Variants in COL4A4 observed in about 807,000 individuals in gnomAD.
COL4A4 encodes collagen alpha-4(IV) chain.
In COL4A4, 105 loss-of-function variants were observed where a neutral mutation model predicts 192.9. That is an observed-to-expected ratio of 0.54 (90% CI 0.46 to 0.64). The LOEUF is 0.64. Among genes scored for constraint, COL4A4 ranks in the 30% least tolerant of loss-of-function variants. The pLI is 0.00. For missense variants in COL4A4, 1,967 were observed against 2,169.3 expected, an observed-to-expected ratio of 0.91 and a Z score of 1.85; for synonymous variants, 762 against 769.9, an observed-to-expected ratio of 0.99 and a Z score of 0.17.
intron 20 of COL4A4, among the ~76,000 whole-genome samples, chr2:227,091,264 A>C (rs1474431237): frequency 1.3e-5 from 2 of 149,548 alleles, no homozygotes; most frequent in Admixed American, 6.6e-5. Flanking sequence ...AGATATAGAT[A>C]TAGATATAGA....
At position 227,004,188 on chromosome 2, in the gene COL4A4, CATT is replaced by C. The variant is rs1961582077; in HGVS notation, c.*3134_*3136del. 1 of 152,278 alleles carries C rather than the reference CATT, an allele frequency of 6.6e-6. No individual in the cohort carries two copies. Among genetic ancestry groups the C allele is most frequent in the Admixed American group, 6.5e-5 (1 of 15,286 alleles). 9.4% of individuals were successfully genotyped at this position (152,278 alleles called of 1,614,324 possible). On this transcript the variant is annotated 3_prime_UTR_variant, in exon 48 of 48. Coordinates refer to ENST00000396625, the MANE Select transcript of COL4A4 (RefSeq NM_000092.5). ...ATGGAATGAAGGAAGTGCACTGAGA[CATT>C]AAAGAAGCAATGGGGAACGGAGAAA... is the stretch of plus-strand genomic sequence containing the variant.
chr2:226,988,723 T>C, the COL4A4 span: 637 of 930,232 alleles, frequency 6.8e-4, 3 homozygotes, highest in Middle Eastern at 0.013. Context: ...TACATAGATA[T>C]AGATATATTA....
chr2:227,151,176 T>G (rs1349560956), intron 1 of COL4A4, among the ~76,000 whole-genome samples: 2 of 152,216 alleles, frequency 1.3e-5, no homozygotes, highest in Admixed American at 1.3e-4. Flanking sequence ...CCTAATGCAA[T>G]GTATTTCCAT....
intron 4 of COL4A4, among the ~76,000 whole-genome samples, chr2:227,137,338 C>T (rs976316970): frequency 9.2e-5 from 14 of 152,322 alleles, no homozygotes; most frequent in Non-Finnish European, 1.9e-4. Flanking sequence ...GATGCTACAA[C>T]CCAGCAGTTG....
At chr2:227,025,143 G>A (rs760756528) in intron 43 of COL4A4, among the ~76,000 whole-genome samples, 3 of 152,278 alleles carry the variant, frequency 2.0e-5, no homozygotes, top group African/African-American at 7.2e-5. Context: ...ATAATACATG[G>A]TGTCTATATT....
At position 227,052,295 on chromosome 2, in the gene COL4A4, A is replaced by T; in HGVS notation, c.2968+10T>A. On this transcript the variant is annotated intron_variant, in intron 32 of 47. Coordinates refer to ENST00000396625, the MANE Select transcript of COL4A4 (RefSeq NM_000092.5). ...TTATTTGATATGGTTAAAAACTCTTAAGTGTTTACCTCTTTCTCCTGGGAA... is the reference window on the plus strand; with the variant it reads ...TTATTTGATATGGTTAAAAACTCTTTAGTGTTTACCTCTTTCTCCTGGGAA... 1.4e-6 allele frequency: 2 copies of T among 1,477,144 alleles called. No homozygotes were observed. Among genetic ancestry groups the T allele is most frequent in the Non-Finnish European group, 1.9e-6 (2 of 1,055,408 alleles). 91.5% of individuals were successfully genotyped at this position (1,477,144 alleles called of 1,614,324 possible).
chr2:227,057,623 T>C (rs1348962415), intron 28 of COL4A4, 23 bp from the exon 29 acceptor site: 1 of 1,612,860 alleles, frequency 6.2e-7, no homozygotes. Context: ...AATACATCCA[T>C]GACATTCATG....
intron 20 of COL4A4, among the ~76,000 whole-genome samples, chr2:227,092,971 T>C (rs1357279997): frequency 6.6e-6 from 1 of 152,162 alleles, no homozygotes; most frequent in African/African-American, 2.4e-5. Context: ...CAGCCACATG[T>C]GTTGAAATGA....
In COL4A4 at chr2:227,031,672, G is replaced by A. The variant is rs151210988; in HGVS notation, c.3817+273C>T. On this transcript the variant is annotated intron_variant, in intron 40 of 47. Transcript: ENST00000396625. ...TTGGTCAGCATCAAGCTGGTGATAA[G>A]AAACGCTTGCTTATCAGTTTCTAGC... Among the ~76,000 whole-genome samples the A allele has an allele frequency of 7.9e-5, 12 of 152,302 alleles. No homozygotes were observed. The East Asian group carries it at 2.3e-3, about 29-fold the overall frequency.
Position 227,022,135 on chromosome 2 carries a change from G to A in COL4A4, c.4129C>T (p.Arg1377Ter), listed in dbSNP as rs121912861. 7.4e-6 allele frequency: 12 copies of A among 1,614,082 alleles called. No individual in the cohort carries two copies. The highest frequency in any genetic ancestry group is 1.3e-5 in the African/African-American group (1 of 75,006). Residue 1377 changes from arginine to a stop codon, truncating the protein, a stop_gained, in exon 44 of 48, where the codon CGA becomes TGA. Transcript: ENST00000396625. LOFTEE classifies it high-confidence loss of function. Reference sequence around the variant, plus strand: ...GGCGCCCCAGGAAGGCCTGGGATTCGGGGACAGTCATCCACATCTGCAGGT... The same window carrying A: ...GGCGCCCCAGGAAGGCCTGGGATTCAGGGACAGTCATCCACATCTGCAGGT... ...GPPADVDDCP[R>*]IPGLPGAPGM...
the COL4A4 span, among the ~76,000 whole-genome samples, chr2:226,992,045 A>G: frequency 6.6e-6 from 1 of 152,242 alleles, no homozygotes; most frequent in African/African-American, 2.4e-5. Flanking sequence ...GTGAGTACAT[A>G]TCAGAAACAC....
At chr2:227,010,210 T>C in intron 46 of COL4A4, 103 bp downstream of exon 46, 1 of 1,191,564 alleles carries the variant, frequency 8.4e-7, no homozygotes, top group Non-Finnish European at 1.3e-6. Flanking sequence ...GTAAGAATAA[T>C]CCCATATAAG....
chr2:227,043,010 G>A (rs1576041856), intron 36 of COL4A4, 67 bp downstream of exon 36: 11 of 1,145,724 alleles, frequency 9.6e-6, no homozygotes, highest in Non-Finnish European at 1.3e-5. Context: ...ATTAAAGACT[G>A]GTGGTTTCTG....
intron 9 of COL4A4, 27 bp from the exon 10 acceptor site, chr2:227,109,313 T>G: frequency 1.3e-6 from 2 of 1,587,202 alleles, no homozygotes; most frequent in South Asian, 1.1e-5. Context: ...TCAGTGCATC[T>G]GTTACCCAAA....
intron 1 of COL4A4, among the ~76,000 whole-genome samples, chr2:227,156,318 G>A (rs1336480875): frequency 1.3e-5 from 2 of 151,528 alleles, no homozygotes; most frequent in Non-Finnish European, 2.9e-5. Context: ...AGAATCACTT[G>A]AGCCTAGGAG....
chr2:227,155,579 T>C (rs1420184728), intron 1 of COL4A4, among the ~76,000 whole-genome samples: 2 of 152,204 alleles, frequency 1.3e-5, no homozygotes, highest in African/African-American at 4.8e-5. Flanking sequence ...CTGGAGACTC[T>C]ATCTGAATTC....
At chr2:227,082,649 T>C (rs965780893) in intron 22 of COL4A4, among the ~76,000 whole-genome samples, 1 of 151,970 alleles carries the variant, frequency 6.6e-6, no homozygotes, top group East Asian at 1.9e-4. Flanking sequence ...AAGAAGAGAG[T>C]GGGATAACTA....
intron 4 of COL4A4, among the ~76,000 whole-genome samples, chr2:227,129,946 C>G (rs1295556906): frequency 6.6e-6 from 1 of 151,968 alleles, no homozygotes. Flanking sequence ...TAATGCTTCC[C>G]TCCTTTTTAA....
intron 44 of COL4A4, among the ~76,000 whole-genome samples, chr2:227,018,374 G>A (rs542493871): frequency 2.6e-4 from 39 of 152,344 alleles, no homozygotes; most frequent in Admixed American, 2.1e-3. Context: ...GCCCAGGTCA[G>A]CCAGGGTTTG....
Sources: gnomAD v4.1 joint callset for allele counts (sites outside exome capture counted in the v4.1 genomes callset) on GRCh38, gnomAD v4.1.1 for gene constraint, MANE v1.5 for transcripts, NCBI Gene and HGNC (gene_info 2026-07-23, HGNC 2026-07-21) for gene names.